The following KRT72 variants were observed in gnomAD, a reference collection of about 807,000 sequenced individuals.
KRT72 encodes the protein keratin, type II cytoskeletal 72.
A neutral mutation model predicts 44.7 loss-of-function variants in KRT72; 44 were observed. The ratio of observed to expected loss-of-function variants is 0.98; its 90% CI spans 0.77 to 1.27. The LOEUF (loss-of-function observed/expected upper bound fraction) is 1.27. Among genes scored for constraint, KRT72 ranks in the 50% most tolerant of loss-of-function variants. KRT72 has a pLI of 0.00. For synonymous variants in KRT72, 302 were observed against 280.4 expected (o/e 1.08, Z -0.77); for missense variants, 736 against 667.1 (o/e 1.10, Z -1.14).
intron 2 of KRT72, among the ~76,000 whole-genome samples, chr12:52,597,073 A>G (rs759898892): frequency 1.1e-4 from 17 of 152,194 alleles, no homozygotes; most frequent in Non-Finnish European, 2.4e-4. Flanking sequence ...CCTGGATGCA[A>G]TTGGGTACAT....
chr12:52,596,453 C>G (rs952892539), intron 2 of KRT72, among the ~76,000 whole-genome samples: 1 of 151,828 alleles, frequency 6.6e-6, no homozygotes, highest in African/African-American at 2.4e-5. Flanking sequence ...ACTTATTTAA[C>G]AAAATTAGCA....
chr12:52,593,298 T>G (rs1940119341), intron 2 of KRT72, among the ~76,000 whole-genome samples: 1 of 152,190 alleles, frequency 6.6e-6, no homozygotes, highest in Non-Finnish European at 1.5e-5. Flanking sequence ...CATGGCATCT[T>G]AATACTGTGC....
chr12:52,601,421 C>G lies in KRT72; in HGVS notation c.32G>C (p.Gly11Ala). The G allele has an allele frequency of 6.5e-7, 1 of 1,539,542 alleles. No individual in the cohort carries two copies. Among genetic ancestry groups the G allele is most frequent in the Non-Finnish European group, 8.7e-7 (1 of 1,147,278 alleles). ...GCAACCGCTGAAGCCCAGGCGCTCC[C>G]CGCGGGGGAAATGGGTCAGTTGGCG... MSRQLTHFPR[G>A]ERLGFSGCSA... The change falls in exon 1 of 9, where the codon GGG becomes GCG. Residue 11 changes from glycine to alanine, a missense_variant. Physicochemically the swap from Gly to Ala is moderately conservative, Grantham distance 60. Transcript: ENST00000293745.
chr12:52,601,182 C>T lies in KRT72; in HGVS notation c.271G>A (p.Val91Met), dbSNP rs1369561610. ...SAGLGPKCPS[V>M]CPPGGIPQVT... ...TGAGGGATGCCCCCGGGTGGGCACA[C>T]GGAGGGACACTTGGGCCCCAGCCCG... is the stretch of plus-strand genomic sequence containing the variant. The change falls in exon 1 of 9, where the codon GTG (valine) becomes ATG (methionine). Residue 91 changes from valine to methionine, a missense_variant. Coordinates refer to ENST00000293745, the MANE Select transcript of KRT72 (RefSeq NM_080747.3). The T allele has an allele frequency of 1.2e-6, 2 of 1,612,996 alleles. No individual in the cohort carries two copies. The highest frequency in any genetic ancestry group is 2.2e-5 in the East Asian group (1 of 44,798).
intron 1 of KRT72, among the ~76,000 whole-genome samples, chr12:52,600,183 C>G (rs1940370154): frequency 6.6e-6 from 1 of 152,148 alleles, no homozygotes; most frequent in Non-Finnish European, 1.5e-5. Flanking sequence ...CAGCCTCACC[C>G]TTCAGTTTTC....
rs908202978 is a variant in KRT72 at position 52,585,824 on chromosome 12, G to A, written c.*158C>T. 15 of 690,984 alleles carry A rather than the reference G, an allele frequency of 2.2e-5. No homozygotes were observed. Among genetic ancestry groups the A allele is most frequent in the South Asian group, 5.7e-5 (3 of 52,216 alleles). 42.8% of individuals were successfully genotyped at this position (690,984 alleles called of 1,614,324 possible). ...AGCTCCTGACTGGACTCCTTGCATCGAAGCATCACACCTTGAGGACAACAG... is the reference window on the plus strand; with the variant it reads ...AGCTCCTGACTGGACTCCTTGCATCAAAGCATCACACCTTGAGGACAACAG... On this transcript the variant is annotated 3_prime_UTR_variant, in exon 9 of 9. Coordinates refer to ENST00000293745, the MANE Select transcript of KRT72 (RefSeq NM_080747.3).
chr12:52,602,888 C>T (rs1200056396), upstream of KRT72, among the ~76,000 whole-genome samples: 1 of 152,186 alleles, frequency 6.6e-6, no homozygotes, highest in Admixed American at 6.5e-5. Flanking sequence ...GCGTTTACTC[C>T]ACGGGGAACA....
rs140024110 is a variant in KRT72 at position 52,587,835 on chromosome 12, G to A, written c.1106C>T (p.Thr369Met). The A allele has an allele frequency of 6.8e-5, 110 of 1,614,026 alleles. No homozygotes were observed. In the African/African-American group the frequency reaches 1.0e-3, roughly 15 times the overall value. The change falls in exon 7 of 9, where the codon ACG (threonine) becomes ATG (methionine). Residue 369 changes from threonine to methionine, a missense_variant. Coordinates refer to ENST00000293745, the MANE Select transcript of KRT72 (RefSeq NM_080747.3). ...NVKKQCADLE[T>M]AIADAEQRGD... Reference sequence around the variant, plus strand: ...CCGCTGTTCAGCGTCGGCGATGGCCGTCTCCAGATCGGCACACTGAGGGGC... The same window carrying A: ...CCGCTGTTCAGCGTCGGCGATGGCCATCTCCAGATCGGCACACTGAGGGGC...
intron 3 of KRT72, 152 bp from the exon 4 acceptor site, chr12:52,592,643 C>T (rs1006458210): frequency 3.0e-6 from 2 of 659,454 alleles, no homozygotes; most frequent in South Asian, 3.8e-5. Flanking sequence ...GAGAGTAAAC[C>T]AACTAACGTG....
chr12:52,599,298 C>G, intron 1 of KRT72, 186 bp from the exon 2 acceptor site: 1 of 674,334 alleles, frequency 1.5e-6, no homozygotes, highest in Non-Finnish European at 2.7e-6. Context: ...GAAATAGGAC[C>G]CGGTCTATAT....
chr12:52,591,680 A>AAGAGAACTG, intron 4 of KRT72, 52 bp from the exon 5 acceptor site: 1 of 1,541,236 alleles, frequency 6.5e-7, no homozygotes, highest in Non-Finnish European at 8.9e-7. Flanking sequence ...ATGAGGAACC[A>AAGAGAACTG]GTTCTCTTGG....
At chr12:52,586,228 C>G in intron 8 of KRT72, 56 bp from the exon 9 acceptor site, 16 of 1,508,820 alleles carry the variant, frequency 1.1e-5, no homozygotes, top group Non-Finnish European at 1.4e-5. Flanking sequence ...CACGTCAGAG[C>G]CCCTTCTTGG....
intron 1 of KRT72, chr12:52,599,392 T>C (rs749592951): frequency 3.8e-6 from 2 of 526,722 alleles, no homozygotes; most frequent in South Asian, 3.1e-5. Flanking sequence ...CTTCTCATGC[T>C]ATAAATGCTG....
In KRT72 at chr12:52,593,849, G is replaced by T. The variant is rs183564405; in HGVS notation, c.642-897C>A. On this transcript the variant is annotated intron_variant, in intron 2 of 8. Coordinates refer to ENST00000293745, the MANE Select transcript of KRT72 (RefSeq NM_080747.3). ...TAAGTCAGAGACAGAAAGTAGAATGGTGGGAGCCAGGGGCTAGGAAGAGGG... is the reference window on the plus strand; with the variant it reads ...TAAGTCAGAGACAGAAAGTAGAATGTTGGGAGCCAGGGGCTAGGAAGAGGG... Among the ~76,000 whole-genome samples the T allele has an allele frequency of 2.2e-3, 329 of 152,272 alleles. 4 individuals are homozygous for T. Among genetic ancestry groups the T allele is most frequent in the Admixed American group, 0.02 (311 of 15,304 alleles).
In KRT72 at chr12:52,592,953, C is replaced by A. The variant is rs1940104953; in HGVS notation, c.642-1G>T. The A allele has an allele frequency of 6.2e-7, 1 of 1,613,154 alleles. No individual in the cohort carries two copies. Among genetic ancestry groups the A allele is most frequent in the East Asian group, 2.2e-5 (1 of 44,862 alleles). On this transcript the variant is annotated splice_acceptor_variant, in intron 2 of 8. Transcript: ENST00000293745. LOFTEE classifies it high-confidence loss of function. ...GCGTCTGTTAATCTCCACCTCATACCTGCATGGGGCAAGACAATGAGGTAA... is the reference window on the plus strand; with the variant it reads ...GCGTCTGTTAATCTCCACCTCATACATGCATGGGGCAAGACAATGAGGTAA...
chr12:52,596,472 C>T (rs1375948422), intron 2 of KRT72, among the ~76,000 whole-genome samples: 1 of 151,678 alleles, frequency 6.6e-6, no homozygotes, highest in East Asian at 1.9e-4. Flanking sequence ...CAATACATTT[C>T]GTTGTTTGGA....
In KRT72 at chr12:52,590,866, G is replaced by A. The variant is rs150934659; in HGVS notation, c.1059C>T (p.Ile353=). The A allele has an allele frequency of 6.3e-7, 1 of 1,597,276 alleles. No homozygotes were observed. Among genetic ancestry groups the A allele is most frequent in the African/African-American group, 1.3e-5 (1 of 74,808 alleles). The change falls in exon 6 of 9, where the codon ATC becomes ATT. Residue 353 remains isoleucine (I), a synonymous_variant. Coordinates refer to ENST00000293745, the MANE Select transcript of KRT72 (RefSeq NM_080747.3). ...TCTTCACATTCCCTATCTCTGAGCG[G>A]ATCCTCTGGATCAGGCGGTTGAGCT... is the stretch of plus-strand genomic sequence containing the variant. ...ISELNRLIQR[I]RSEIGNVKKQ...
At chr12:52,602,822 G>A (rs1250049844), upstream of KRT72, among the ~76,000 whole-genome samples, 3 of 152,234 alleles carry the variant, frequency 2.0e-5, no homozygotes, top group Non-Finnish European at 2.9e-5. Context: ...GTACCTGGGG[G>A]TAATTGGCTG....
chr12:52,592,841 G>T, intron 3 of KRT72, 51 bp downstream of exon 3: 1 of 1,514,108 alleles, frequency 6.6e-7, no homozygotes, highest in Non-Finnish European at 9.2e-7. Flanking sequence ...GCATCATTGT[G>T]CCAGGTGGTC....
Sources: gnomAD v4.1 joint callset for allele counts (sites outside exome capture counted in the v4.1 genomes callset) on GRCh38, gnomAD v4.1.1 for gene constraint, MANE v1.5 for transcripts, NCBI Gene and HGNC (gene_info 2026-07-23, HGNC 2026-07-21) for gene names.